RYR1: variants seen among roughly 807,000 people sequenced by gnomAD.
RYR1 encodes the protein ryanodine receptor 1, also known as central core disease of muscle.
RYR1 carries 342 observed loss-of-function variants against 583.5 expected under a neutral mutation model. That is an observed-to-expected ratio of 0.59 (90% CI 0.54 to 0.64). The LOEUF (loss-of-function observed/expected upper bound fraction) is 0.64, where lower values mean the gene tolerates loss of function less well. Among genes scored for constraint, RYR1 ranks in the 30% least tolerant of loss-of-function variants. The pLI is 0.00. For missense variants in RYR1, 6,032 were observed against 6,917.2 expected, an observed-to-expected ratio of 0.87 and a Z score of 4.54; for synonymous variants, 2,791 against 2,822.5, an observed-to-expected ratio of 0.99 and a Z score of 0.35.
At chr19:38,474,276 T>G (rs1968595615) in intron 28 of RYR1, among the ~76,000 whole-genome samples, 1 of 150,208 alleles carries the variant, frequency 6.7e-6, no homozygotes, top group African/African-American at 2.4e-5. Context: ...CTTTCTATCT[T>G]TTTTTTTTTG....
chr19:38,535,033 A>G (rs1971906074), intron 79 of RYR1, 108 bp from the exon 80 acceptor site: 10 of 1,202,254 alleles, frequency 8.3e-6, no homozygotes, highest in African/African-American at 1.5e-5. Flanking sequence ...ACCTTGGCAC[A>G]CTCTTAAATC....
chr19:38,532,580 CT>C (rs779395501), intron 77 of RYR1, 39 bp downstream of exon 77: 2 of 1,613,542 alleles, frequency 1.2e-6, no homozygotes, highest in East Asian at 4.5e-5. Context: ...AGATTTCCCT[CT>C]CCCCACCTGC....
At chr19:38,462,886 CT>C (rs1568457399) in intron 20 of RYR1, among the ~76,000 whole-genome samples, 1 of 95,036 alleles carries the variant, frequency 1.1e-5, no homozygotes, top group African/African-American at 4.2e-5. Flanking sequence ...TTAATACTCT[CT>C]CTTCTTTTTT....
intron 49 of RYR1, 113 bp from the exon 50 acceptor site, chr19:38,504,107 A>T: frequency 6.6e-5 from 71 of 1,068,300 alleles, no homozygotes; most frequent in Non-Finnish European, 9.3e-5. Context: ...CATAACCCAC[A>T]CCTCCTTCAT....
intron 12 of RYR1, among the ~76,000 whole-genome samples, chr19:38,452,126 C>CAAAAA (rs66571762): frequency 2.0e-4 from 14 of 68,866 alleles, no homozygotes; most frequent in African/African-American, 4.2e-4. Context: ...CCGCCTCTAC[C>CAAAAA]AAAAAAAAAA....
intron 11 of RYR1, 75 bp downstream of exon 11, chr19:38,448,888 A>T (rs1464517966): frequency 1.4e-6 from 2 of 1,402,664 alleles, no homozygotes; most frequent in Non-Finnish European, 2.0e-6. Context: ...GGCTGCAGTG[A>T]GCTGGTGATC....
intron 67 of RYR1, among the ~76,000 whole-genome samples, chr19:38,520,367 C>CTTT (rs34261000): frequency 1.5e-4 from 21 of 136,808 alleles, no homozygotes; most frequent in South Asian, 2.4e-4. Context: ...CACTTAGCTG[C>CTTT]TTTTTTTTTT....
At chr19:38,534,985 C>T (rs1182169023) in intron 79 of RYR1, among the ~76,000 whole-genome samples, 156 bp from the exon 80 acceptor site, 1 of 152,190 alleles carries the variant, frequency 6.6e-6, no homozygotes, top group Non-Finnish European at 1.5e-5. Flanking sequence ...CTTGCAATTT[C>T]TCACTCATCC....
chr19:38,527,548 C>T lies in RYR1; in HGVS notation c.10687-99C>T, dbSNP rs1309261760. On this transcript the variant is annotated intron_variant, in intron 72 of 105. Transcript: ENST00000359596. ...GAAGAAGAAGAAAGGCCTCAACATG[C>T]ACTCACCCATTGAGTCCTCCCAAAA... 5 of 1,451,842 alleles carry T rather than the reference C, an allele frequency of 3.4e-6. No homozygotes were observed. The Admixed American group carries it at 9.4e-5, about 27-fold the overall frequency. The allele number at this position is 1,451,842 out of a possible 1,614,324, so 89.9% of individuals were successfully genotyped here. A position where few individuals can be genotyped will look rare whatever the true frequency, so the allele number is the denominator to read the frequency against.
At chr19:38,544,148 C>T (rs1246502441) in intron 87 of RYR1, among the ~76,000 whole-genome samples, 1 of 152,190 alleles carries the variant, frequency 6.6e-6, no homozygotes, top group African/African-American at 2.4e-5. Context: ...GGCCGGAGCT[C>T]CTCTATGATT....
In RYR1 at chr19:38,518,695, G is replaced by A. The variant is rs574251732; in HGVS notation, c.10019-519G>A. Among the ~76,000 whole-genome samples, 10 of 152,222 alleles carry A rather than the reference G, an allele frequency of 6.6e-5. No individual in the cohort carries two copies. The South Asian group carries it at 1.0e-3, about 16-fold the overall frequency. The stretch of plus-strand genomic sequence containing the variant: ...TGTAATCCCAGCACTATGGGAGGCC[G>A]AGGCGGGTGGATCTCCTGAGGTCAG... On this transcript the variant is annotated intron_variant, in intron 66 of 105. Transcript: ENST00000359596.
At chr19:38,502,782 G>GGGGCAGGGGCAGGGGCAT (rs1970221797) in intron 48 of RYR1, 55 bp downstream of exon 48, 1 of 1,149,834 alleles carries the variant, frequency 8.7e-7, no homozygotes, top group Non-Finnish European at 1.2e-6. Context: ...GGCAGGGGCA[G>GGGGCAGGGGCAGGGGCAT]GGGCAGGGGC....
intron 90 of RYR1, among the ~76,000 whole-genome samples, chr19:38,563,955 G>A (rs1204543083): frequency 6.6e-6 from 1 of 152,244 alleles, no homozygotes; most frequent in African/African-American, 2.4e-5. Flanking sequence ...CCCTAGGCTT[G>A]TTTGTGAGGA....
chr19:38,529,149 C>G, intron 76 of RYR1, 92 bp downstream of exon 76: 1 of 1,300,952 alleles, frequency 7.7e-7, no homozygotes, highest in Admixed American at 1.8e-5. Flanking sequence ...GAGAGGCCCT[C>G]CAGGTCCTGG....
At position 38,561,793 on chromosome 19, in the gene RYR1, A is replaced by G. The variant is rs1002374480; in HGVS notation, c.12624+339A>G. ...GCTCTGGCAGGCCCTTATAGCCCTGATGCAGCCCTACCCACACTCTCACCT... is the reference window on the plus strand; with the variant it reads ...GCTCTGGCAGGCCCTTATAGCCCTGGTGCAGCCCTACCCACACTCTCACCT... On this transcript the variant is annotated intron_variant, in intron 90 of 105. Coordinates refer to ENST00000359596, the MANE Select transcript of RYR1 (RefSeq NM_000540.3). The surrounding 1 kb of genome is among the most constrained non-coding windows in gnomAD (Gnocchi z 4.8). Among the ~76,000 whole-genome samples, 2 of 151,992 alleles carry G rather than the reference A, an allele frequency of 1.3e-5. No homozygotes were observed. Among genetic ancestry groups the G allele is most frequent in the East Asian group, 1.9e-4 (1 of 5,186 alleles).
Position 38,455,342 on chromosome 19 carries a change from G to A in RYR1, c.1548G>A (p.Glu516=). Residue 516 remains glutamate, a synonymous_variant, in exon 14 of 106, where the codon GAG becomes GAA. Coordinates refer to ENST00000359596, the MANE Select transcript of RYR1 (RefSeq NM_000540.3). ...AGEEAAESWK[E]IVNLLYELLA... ...AGGAGGCAGCCGAGTCCTGGAAAGA[G>A]ATTGTGAATCTTCTCTATGAACTCC... 1 of 1,614,126 alleles carries A rather than the reference G, an allele frequency of 6.2e-7. No homozygotes were observed. Among genetic ancestry groups the A allele is most frequent in the Non-Finnish European group, 8.5e-7 (1 of 1,180,004 alleles).
At chr19:38,461,647 G>A (rs1967748996) in intron 20 of RYR1, among the ~76,000 whole-genome samples, 1 of 147,840 alleles carries the variant, frequency 6.8e-6, no homozygotes, top group Admixed American at 6.9e-5. Flanking sequence ...GGTCACTTGA[G>A]CCCAGGGATT....
rs1600618583 is a variant in RYR1, at chr19:38,436,882, C to T, written c.45+3008C>T. On this transcript the variant is annotated intron_variant, in intron 1 of 105. Coordinates refer to ENST00000359596, the MANE Select transcript of RYR1 (RefSeq NM_000540.3). ...GGTGGGTGGTGACCTCTACCCTTAC[C>T]CAGGCTGGGGTTTCTCAAACCCTGG... Among the ~76,000 whole-genome samples the T allele has an allele frequency of 2.0e-5, 3 of 152,014 alleles. No homozygotes were observed. The South Asian group carries it at 6.2e-4, about 32-fold the overall frequency.
In RYR1 at chr19:38,500,360, TA is replaced by T. The variant is rs200673219; in HGVS notation, c.7324-245del. On this transcript the variant is annotated intron_variant, in intron 45 of 105. Transcript: ENST00000359596. The surrounding 1 kb of genome is among the most constrained non-coding windows in gnomAD (Gnocchi z 5.9). ...CAGGATGGGGATGGGGTCACAGGGATAGGGGTCGGGGCCAGGATGAGGGGTC... is the reference window on the plus strand; with the variant it reads ...CAGGATGGGGATGGGGTCACAGGGATGGGGTCGGGGCCAGGATGAGGGGTC... 0.044 allele frequency among the ~76,000 whole-genome samples: 4,653 copies of T among 105,188 alleles called. 94 individuals carry two copies. Among genetic ancestry groups the T allele is most frequent in the Middle Eastern group, 0.067 (13 of 194 alleles). The allele number at this position is 105,188 out of a possible 152,430, so 69.0% of individuals were successfully genotyped here.
Sources: gnomAD v4.1 joint callset for allele counts (sites outside exome capture counted in the v4.1 genomes callset) on GRCh38, gnomAD v4.1.1 for gene constraint, Gnocchi (gnomAD v3.1) non-coding constraint, MANE v1.5 for transcripts, NCBI Gene and HGNC (gene_info 2026-07-23, HGNC 2026-07-21) for gene names.